The following ACSF2 variants were observed in gnomAD, a reference collection of about 807,000 sequenced individuals.
ACSF2 encodes the protein medium-chain acyl-CoA ligase ACSF2, mitochondrial.
A neutral mutation model predicts 79.3 loss-of-function variants in ACSF2; 52 were observed. The observed-to-expected ratio is 0.66, with a 90% CI of 0.53 to 0.83. The LOEUF is 0.83. Among genes scored for constraint, ACSF2 ranks in the 40% least tolerant of loss-of-function variants. ACSF2 has a pLI of 0.00. For missense variants in ACSF2, 661 were observed against 803.3 expected (o/e 0.82, Z 2.14); for synonymous variants, 283 against 312.6 (o/e 0.91, Z 1.00).
intron 1 of ACSF2, among the ~76,000 whole-genome samples, chr17:50,435,878 A>G (rs556358736): frequency 1.8e-4 from 27 of 151,554 alleles, no homozygotes; most frequent in African/African-American, 6.1e-4. Flanking sequence ...TCAGCCTCCC[A>G]AGTAGCTAGG....
Position 50,464,275 on chromosome 17 carries a change from T to C in ACSF2, c.1196T>C (p.Ile399Thr). 6.2e-7 allele frequency: 1 copy of C among 1,613,852 alleles called. No individual in the cohort carries two copies. Among genetic ancestry groups the C allele is most frequent in the East Asian group, 2.2e-5 (1 of 44,848 alleles). ...TTGATCCGAGCCATCATCAACAAGATAAATATGAAGGACCTGGTGGTGAGT... is the reference window on the plus strand; with the variant it reads ...TTGATCCGAGCCATCATCAACAAGACAAATATGAAGGACCTGGTGGTGAGT... ...PELIRAIINK[I>T]NMKDLVVAYG... Residue 399 changes from isoleucine (I) to threonine (T), a missense_variant, in exon 10 of 16, where the codon ATA becomes ACA. Transcript: ENST00000300441.
At chr17:50,460,597 G>T in intron 1 of ACSF2, 80 bp from the exon 2 acceptor site, 1 of 1,356,332 alleles carries the variant, frequency 7.4e-7, no homozygotes. Context: ...CCTACCCCCT[G>T]GCTTGGCTGG....
At chr17:50,465,481 G>T in intron 10 of ACSF2, 1 of 1,609,450 alleles carries the variant, frequency 6.2e-7, no homozygotes, top group South Asian at 1.1e-5. Flanking sequence ...AAGAAGGTGG[G>T]AGTGCTGGGG....
At position 50,471,567 on chromosome 17, in the gene ACSF2, C is replaced by A; in HGVS notation, c.1323+432C>A. 5.2e-6 allele frequency: 1 copy of A among 193,538 alleles called. No individual in the cohort carries two copies. The highest frequency in any genetic ancestry group is 1.1e-4 in the South Asian group (1 of 9,290). The allele number at this position is 193,538 out of a possible 1,614,324, so 12.0% of individuals were successfully genotyped here. On this transcript the variant is annotated intron_variant, in intron 11 of 15. Transcript: ENST00000300441. This position sits in a 1 kb window ranked among gnomAD's most constrained non-coding sequence, Gnocchi z 4.1. The stretch of plus-strand genomic sequence containing the variant: ...ACACTTCATTTCCCAAGCAGCCTAT[C>A]CCTTTGGGGCGGTCCCTTTGCCCCT...
chr17:50,460,392 C>A, intron 1 of ACSF2: 2 of 482,914 alleles, frequency 4.1e-6, no homozygotes, highest in South Asian at 3.9e-5. Flanking sequence ...CACAGGCAGG[C>A]TCTCCCAGGC....
chr17:50,432,613 G>A (rs1322460946), intron 1 of ACSF2, among the ~76,000 whole-genome samples: 2 of 152,302 alleles, frequency 1.3e-5, no homozygotes, highest in Admixed American at 6.5e-5. Flanking sequence ...TTCTAATAAC[G>A]AAGGGTAGGA....
At chr17:50,426,850 A>G in intron 1 of ACSF2, 1 of 1,515,176 alleles carries the variant, frequency 6.6e-7, no homozygotes. Flanking sequence ...CTGCTCACTA[A>G]CATGGCTTTA....
At chr17:50,464,553 G>A (rs1444617747) in intron 10 of ACSF2, 1 of 626,762 alleles carries the variant, frequency 1.6e-6, no homozygotes, top group East Asian at 3.3e-5. Context: ...TGCAGCATGG[G>A]AAGATGGACA....
At chr17:50,433,449 C>G (rs2030126730) in intron 1 of ACSF2, among the ~76,000 whole-genome samples, 1 of 152,118 alleles carries the variant, frequency 6.6e-6, no homozygotes, top group Admixed American at 6.5e-5. Context: ...CCACCATGTG[C>G]ACCTGGCTAC....
chr17:50,470,391 G>A (rs1410420707), intron 10 of ACSF2, among the ~76,000 whole-genome samples: 5 of 152,140 alleles, frequency 3.3e-5, no homozygotes, highest in African/African-American at 1.2e-4. Context: ...CACTGGAAAT[G>A]GGGGAGGTGG....
intron 6 of ACSF2, chr17:50,462,824 C>T (rs2032431364): frequency 1.7e-6 from 1 of 593,366 alleles, no homozygotes; most frequent in African/African-American, 1.9e-5. Context: ...GGCAGATTCA[C>T]TGAACCAACA....
intron 1 of ACSF2, 83 bp from the exon 2 acceptor site, chr17:50,460,594 C>G: frequency 7.7e-7 from 1 of 1,296,396 alleles, no homozygotes; most frequent in Non-Finnish European, 1.1e-6. Flanking sequence ...CAGCCTACCC[C>G]CTGGCTTGGC....
intron 1 of ACSF2, 186 bp from the exon 2 acceptor site, chr17:50,460,491 G>A (rs1260359467): frequency 1.6e-6 from 1 of 612,014 alleles, no homozygotes; most frequent in Admixed American, 2.9e-5. Flanking sequence ...CTGCTGCCTT[G>A]GGATTAGGCT....
chr17:50,442,029 G>C (rs1356121323), intron 1 of ACSF2, among the ~76,000 whole-genome samples: 1 of 151,992 alleles, frequency 6.6e-6, no homozygotes, highest in African/African-American at 2.4e-5. Context: ...TTTTGGCTGG[G>C]CACGGTGGCT....
In ACSF2 at chr17:50,434,695, A is replaced by T. The variant is rs566469213; in HGVS notation, c.128+8306A>T. Among the ~76,000 whole-genome samples, 36 of 143,962 alleles carry T rather than the reference A, an allele frequency of 2.5e-4. 1 individual carries two copies. The highest frequency in any genetic ancestry group is 1.8e-3 in the South Asian group (8 of 4,480). 94.4% of individuals were successfully genotyped at this position (143,962 alleles called of 152,430 possible). ...AGCAAAACTCCGTCTCAAAAAAATA[A>T]TTTTTTTTTTTTTTACTGTAGTCCT... On this transcript the variant is annotated intron_variant, in intron 1 of 15. Coordinates refer to ENST00000300441, the MANE Select transcript of ACSF2 (RefSeq NM_025149.6).
intron 1 of ACSF2, 33 bp downstream of exon 1, chr17:50,426,422 G>T: frequency 7.7e-7 from 1 of 1,295,356 alleles, no homozygotes; most frequent in East Asian, 3.0e-5. Context: ...GAGGGGGCGG[G>T]GCAGTTCCCC....
chr17:50,455,967 C>T (rs1005779765), intron 1 of ACSF2, among the ~76,000 whole-genome samples: 1 of 152,184 alleles, frequency 6.6e-6, no homozygotes, highest in African/African-American at 2.4e-5. Context: ...GGCTGCCTCA[C>T]CCATTTACAG....
intron 1 of ACSF2, among the ~76,000 whole-genome samples, chr17:50,435,002 C>T (rs2143510111): frequency 6.6e-6 from 1 of 152,132 alleles, no homozygotes; most frequent in Admixed American, 6.5e-5. Context: ...TCCCAAGTAG[C>T]TGGGATTACC....
At position 50,463,354 on chromosome 17, in the gene ACSF2, C is replaced by T; in HGVS notation, c.889-41C>T. The T allele has an allele frequency of 6.2e-7, 1 of 1,611,188 alleles. No individual in the cohort carries two copies. Among genetic ancestry groups the T allele is most frequent in the South Asian group, 1.1e-5 (1 of 90,700 alleles). On this transcript the variant is annotated intron_variant, in intron 7 of 15. Transcript: ENST00000300441. The surrounding 1 kb of genome is among the most constrained non-coding windows in gnomAD (Gnocchi z 4.6). ...TTGCCAGCTAGAGAGGAACTGGCGT[C>T]TGGCTCCAAGACAGACCCAGCCTCC...
Sources: allele counts gnomAD v4.1 joint callset (sites outside exome capture counted in the v4.1 genomes callset), GRCh38; gene constraint gnomAD v4.1.1; non-coding constraint Gnocchi (gnomAD v3.1); transcripts MANE v1.5; gene names NCBI Gene and HGNC (gene_info 2026-07-23, HGNC 2026-07-21).